RPTOR: variants seen among roughly 807,000 people sequenced by gnomAD.
The protein encoded by RPTOR is regulatory associated protein of MTOR complex 1.
Under a neutral mutation model 169.9 loss-of-function variants are expected in RPTOR, and 21 were observed. The ratio of observed to expected loss-of-function variants is 0.12; its 90% CI spans 0.09 to 0.18. RPTOR has a LOEUF of 0.18. Ranked by LOEUF, RPTOR falls within the 10% of genes least tolerant of loss-of-function variation. The pLI is 1.00. For synonymous variants in RPTOR, 732 were observed against 753.2 expected, an observed-to-expected ratio of 0.97 and a Z score of 0.46; for missense variants, 1,133 against 1,855.9, an observed-to-expected ratio of 0.61 and a Z score of 7.16.
chr17:80,754,872 AC>A lies in RPTOR; in HGVS notation c.830+689del, dbSNP rs2066664501. Among the ~76,000 whole-genome samples the A allele has an allele frequency of 6.6e-6, 1 of 152,072 alleles. No homozygotes were observed. Among genetic ancestry groups the A allele is most frequent in the African/African-American group, 2.4e-5 (1 of 41,386 alleles). On this transcript the variant is annotated intron_variant, in intron 6 of 33. Transcript: ENST00000306801. The surrounding 1 kb of genome is among the most constrained non-coding windows in gnomAD (Gnocchi z 4.2). ...GGCTGTTACCGGCTAGTAGATAAAT[AC>A]CTCTCCCTTGAGGTGCCGTGCGAAT...
At chr17:80,939,763 C>T (rs2069000683) in intron 24 of RPTOR, among the ~76,000 whole-genome samples, 1 of 152,244 alleles carries the variant, frequency 6.6e-6, no homozygotes, top group African/African-American at 2.4e-5. Context: ...GCAGTGTCTC[C>T]TCAAGCGCAC....
At chr17:80,731,022 C>T (rs967735675) in intron 5 of RPTOR, among the ~76,000 whole-genome samples, 22 of 152,060 alleles carry the variant, frequency 1.4e-4, no homozygotes, top group Admixed American at 5.2e-4. Flanking sequence ...TACAGGTGCA[C>T]GCCACGCCAC....
At chr17:80,908,981 A>G in intron 21 of RPTOR, 52 bp downstream of exon 21, 1 of 1,289,278 alleles carries the variant, frequency 7.8e-7, no homozygotes, top group East Asian at 2.3e-5. Flanking sequence ...CTCGGTTACG[A>G]GTATGCATGC....
At chr17:80,889,498 C>G (rs2063788) in intron 17 of RPTOR, among the ~76,000 whole-genome samples, 60,436 of 152,006 alleles carry the variant, frequency 0.4, 12,537 homozygotes, top group Admixed American at 0.48. Context: ...ATGTGGCCTC[C>G]CCGTCTGTGT....
At chr17:80,652,743 C>G (rs1000339863) in intron 3 of RPTOR, among the ~76,000 whole-genome samples, 1 of 152,134 alleles carries the variant, frequency 6.6e-6, no homozygotes, top group African/African-American at 2.4e-5. Flanking sequence ...TGTGTGGGCC[C>G]CTGCCCACTA....
At chr17:80,553,143 G>A (rs2084365849) in intron 1 of RPTOR, among the ~76,000 whole-genome samples, 1 of 152,210 alleles carries the variant, frequency 6.6e-6, no homozygotes, top group African/African-American at 2.4e-5. Flanking sequence ...CATGCACATG[G>A]AGAGAATGTC....
chr17:80,752,943 C>G (rs2066643606), intron 5 of RPTOR, among the ~76,000 whole-genome samples: 1 of 151,654 alleles, frequency 6.6e-6, no homozygotes, highest in Admixed American at 6.6e-5. Flanking sequence ...TAAAATGGCA[C>G]TGTGATATCA....
intron 20 of RPTOR, among the ~76,000 whole-genome samples, chr17:80,902,093 G>A (rs1168221143): frequency 2.0e-5 from 3 of 152,044 alleles, no homozygotes; most frequent in African/African-American, 7.2e-5. Flanking sequence ...CCCTTCGTCT[G>A]GCCTGACATC....
intron 2 of RPTOR, among the ~76,000 whole-genome samples, chr17:80,640,194 G>C (rs1394863588): frequency 5.3e-5 from 8 of 151,364 alleles, no homozygotes; most frequent in Non-Finnish European, 1.2e-4. Context: ...AGTTTCATTA[G>C]TTCTTTCCCA....
rs949792118 is a variant in RPTOR, at chr17:80,960,500, G to A, written c.3605+295G>A. 6.6e-5 allele frequency among the ~76,000 whole-genome samples: 10 copies of A among 152,292 alleles called. No homozygotes were observed. The highest frequency in any genetic ancestry group is 2.6e-4 in the Admixed American group (4 of 15,302). On this transcript the variant is annotated intron_variant, in intron 30 of 33. Transcript: ENST00000306801. This position sits in a 1 kb window ranked among gnomAD's most constrained non-coding sequence, Gnocchi z 4.8. Reference sequence around the variant, plus strand: ...CAGTGGACTGGAGGCAGAGGCTGTCGGGGTGAGGCAGGGCCGCAGCCAGGC... The same window carrying A: ...CAGTGGACTGGAGGCAGAGGCTGTCAGGGTGAGGCAGGGCCGCAGCCAGGC...
At chr17:80,800,076 C>A (rs774325480) in intron 7 of RPTOR, among the ~76,000 whole-genome samples, 1 of 152,218 alleles carries the variant, frequency 6.6e-6, no homozygotes, top group Non-Finnish European at 1.5e-5. Flanking sequence ...AGCCTCAGGA[C>A]CCCGCTGTCT....
At chr17:80,704,775 CAT>C (rs1320073456) in intron 3 of RPTOR, among the ~76,000 whole-genome samples, 1 of 152,244 alleles carries the variant, frequency 6.6e-6, no homozygotes, top group South Asian at 2.1e-4. Context: ...GAAAGGCACA[CAT>C]GTGGGTGAGC....
At chr17:80,774,798 C>T (rs1200128499) in intron 6 of RPTOR, among the ~76,000 whole-genome samples, 2 of 152,136 alleles carry the variant, frequency 1.3e-5, no homozygotes, top group African/African-American at 2.4e-5. Flanking sequence ...TGCAGGGGAC[C>T]GTAAGATGCC....
At chr17:80,796,965 G>A (rs1274540773) in intron 7 of RPTOR, among the ~76,000 whole-genome samples, 1 of 152,230 alleles carries the variant, frequency 6.6e-6, no homozygotes, top group East Asian at 1.9e-4. Context: ...AGCCACAGCT[G>A]CCATTAGCTC....
intron 3 of RPTOR, among the ~76,000 whole-genome samples, chr17:80,677,196 A>G (rs145483891): frequency 6.6e-6 from 1 of 152,320 alleles, no homozygotes; most frequent in East Asian, 1.9e-4. Flanking sequence ...TTTAACTGCC[A>G]TGTTAACGTT....
chr17:80,943,637 A>T lies in RPTOR; in HGVS notation c.3026-2030A>T, dbSNP rs568157024. On this transcript the variant is annotated intron_variant, in intron 25 of 33. Transcript: ENST00000306801. ...GGACCCCTTTATACTTGGCTATCTC[A>T]CTTCCTGCCAGAGCACAAGCCCACC... Among the ~76,000 whole-genome samples, 3 of 151,770 alleles carry T rather than the reference A, an allele frequency of 2.0e-5. No individual in the cohort carries two copies. The East Asian group carries it at 5.8e-4, about 30-fold the overall frequency.
At chr17:80,961,689 C>T in intron 31 of RPTOR, 1 of 578,446 alleles carries the variant, frequency 1.7e-6, no homozygotes, top group East Asian at 3.1e-5. Flanking sequence ...GACACCTGAC[C>T]TGCAGGCGCT....
At chr17:80,732,014 A>G (rs1462189917) in intron 5 of RPTOR, among the ~76,000 whole-genome samples, 1 of 152,224 alleles carries the variant, frequency 6.6e-6, no homozygotes, top group African/African-American at 2.4e-5. Flanking sequence ...TAAGGGAAAG[A>G]AAGATCAAGG....
At chr17:80,935,990 C>A (rs1252693919) in intron 24 of RPTOR, among the ~76,000 whole-genome samples, 2 of 152,064 alleles carry the variant, frequency 1.3e-5, no homozygotes, top group Non-Finnish European at 2.9e-5. Context: ...TTATACATAA[C>A]CCTCAAAATT....
Sources: gnomAD v4.1 joint callset for allele counts (sites outside exome capture counted in the v4.1 genomes callset) on GRCh38, gnomAD v4.1.1 for gene constraint, Gnocchi (gnomAD v3.1) non-coding constraint, MANE v1.5 for transcripts, NCBI Gene and HGNC (gene_info 2026-07-23, HGNC 2026-07-21) for gene names.